The following ERC2 variants were observed in gnomAD, a reference collection of about 807,000 sequenced individuals.
ERC2 encodes ELKS/RAB6-interacting/CAST family member 2.
A neutral mutation model predicts 114.8 loss-of-function variants in ERC2; 42 were observed. The observed-to-expected ratio is 0.37, with a 90% CI of 0.29 to 0.47. The LOEUF (loss-of-function observed/expected upper bound fraction) is 0.47. Ranked by LOEUF, ERC2 falls within the 20% of genes least tolerant of loss-of-function variation. The probability of loss-of-function intolerance (pLI) is 0.99; values close to 1 mark genes in which losing one functional copy is unlikely to be tolerated. For synonymous variants in ERC2, 454 were observed against 425.5 expected, an observed-to-expected ratio of 1.07 and a Z score of -0.82; for missense variants, 939 against 1,150.7, an observed-to-expected ratio of 0.82 and a Z score of 2.66.
chr3:56,033,068 G>GAAAGAAAGAA (rs1330276021), intron 7 of ERC2, among the ~76,000 whole-genome samples: 1 of 107,914 alleles, frequency 9.3e-6, no homozygotes, highest in Non-Finnish European at 2.3e-5. Context: ...AAGAAAGAAA[G>GAAAGAAAGAA]AAAGAAAGAA....
intron 7 of ERC2, among the ~76,000 whole-genome samples, chr3:56,034,612 G>C (rs1179848571): frequency 2.0e-5 from 3 of 152,124 alleles, no homozygotes; most frequent in Non-Finnish European, 4.4e-5. Context: ...AATTTAAGAA[G>C]ATTGAAATCA....
chr3:56,086,595 C>G (rs956191404), intron 6 of ERC2, among the ~76,000 whole-genome samples: 2 of 151,428 alleles, frequency 1.3e-5, no homozygotes, highest in Non-Finnish European at 2.9e-5. Context: ...ATCTCTAAAA[C>G]CAAATATGAA....
At chr3:55,798,423 C>T (rs2070691589) in intron 14 of ERC2, among the ~76,000 whole-genome samples, 1 of 151,982 alleles carries the variant, frequency 6.6e-6, no homozygotes, top group Non-Finnish European at 1.5e-5. Flanking sequence ...ATGGTGAAAC[C>T]CCGTCTCTAC....
At chr3:56,323,272 G>A (rs1017217016) in intron 2 of ERC2, among the ~76,000 whole-genome samples, 29 of 152,186 alleles carry the variant, frequency 1.9e-4, no homozygotes, top group Admixed American at 7.9e-4. Flanking sequence ...GAAAATGCCT[G>A]AGGCCAAAGG....
At chr3:55,983,484 T>C (rs1390693992) in intron 12 of ERC2, among the ~76,000 whole-genome samples, 2 of 152,178 alleles carry the variant, frequency 1.3e-5, no homozygotes, top group Non-Finnish European at 2.9e-5. Context: ...AGTGGAGACC[T>C]GAACAGATTT....
chr3:56,356,684 AAAT>A (rs2058756724), intron 2 of ERC2, among the ~76,000 whole-genome samples: 1 of 152,134 alleles, frequency 6.6e-6, no homozygotes, highest in African/African-American at 2.4e-5. Context: ...TCTGTGGTCC[AAAT>A]CCAAGTGAAC....
intron 17 of ERC2, among the ~76,000 whole-genome samples, chr3:55,605,142 G>T (rs1206350393): frequency 1.3e-5 from 2 of 151,844 alleles, no homozygotes; most frequent in African/African-American, 4.8e-5. Flanking sequence ...TTTTGAGACG[G>T]TCTCACTCTG....
At chr3:55,905,086 C>T (rs1042348160) in intron 13 of ERC2, among the ~76,000 whole-genome samples, 4 of 152,206 alleles carry the variant, frequency 2.6e-5, no homozygotes, top group South Asian at 2.1e-4. Context: ...ATGTGTTTCA[C>T]GTTCTTCTTT....
rs59260283 is a variant in ERC2, at chr3:55,714,661, G to GTATATATA, written c.2713-15150_2713-15149insTATATATA. Among the ~76,000 whole-genome samples, 56 of 71,762 alleles carry GTATATATA rather than the reference G, an allele frequency of 7.8e-4. 1 individual carries two copies. Among genetic ancestry groups the GTATATATA allele is most frequent in the African/African-American group, 2.6e-3 (45 of 17,140 alleles). The allele number at this position is 71,762 out of a possible 152,430, so 47.1% of individuals were successfully genotyped here. A position where few individuals can be genotyped will look rare whatever the true frequency, so the allele number is the denominator to read the frequency against. On this transcript the variant is annotated intron_variant, in intron 15 of 17. Transcript: ENST00000288221. Reference sequence around the variant, plus strand: ...TATATGTGTGTGTGTGTGTGTGTGTGTGTGTGTATATATATATATATATAT... The same window carrying GTATATATA: ...TATATGTGTGTGTGTGTGTGTGTGTGTATATATATGTGTGTATATATATATATATATAT...
intron 14 of ERC2, among the ~76,000 whole-genome samples, chr3:55,770,212 C>A (rs950947384): frequency 3.9e-5 from 6 of 152,148 alleles, no homozygotes; most frequent in Non-Finnish European, 8.8e-5. Context: ...CAAGCACAGA[C>A]CCCAGTGACC....
chr3:56,122,290 C>T (rs1005295509), intron 6 of ERC2, among the ~76,000 whole-genome samples: 8 of 151,920 alleles, frequency 5.3e-5, no homozygotes, highest in Admixed American at 2.0e-4. Flanking sequence ...GGGAAGATCC[C>T]AACAATATAC....
At chr3:55,838,178 TAGA>T (rs141147703) in intron 14 of ERC2, among the ~76,000 whole-genome samples, 3,260 of 152,156 alleles carry the variant, frequency 0.021, 63 homozygotes, top group South Asian at 0.086. Context: ...AACAACGGGA[TAGA>T]AGATCTGTGC....
At chr3:55,545,898 C>T (rs1025184107) in intron 17 of ERC2, among the ~76,000 whole-genome samples, 1 of 152,154 alleles carries the variant, frequency 6.6e-6, no homozygotes, top group Admixed American at 6.5e-5. Flanking sequence ...ACTAGAGAAT[C>T]CCATTTGGAG....
rs143244578 is a variant in ERC2, at chr3:56,091,816, G to T, written c.1474-10832C>A. 2.0e-3 allele frequency among the ~76,000 whole-genome samples: 298 copies of T among 152,184 alleles called. 1 individual carries two copies. Among genetic ancestry groups the T allele is most frequent in the African/African-American group, 6.8e-3 (282 of 41,504 alleles). On this transcript the variant is annotated intron_variant, in intron 6 of 17. Coordinates refer to ENST00000288221, the MANE Select transcript of ERC2 (RefSeq NM_015576.3). Reference sequence around the variant, plus strand: ...TCAATTGAGCCTTTGGCCTTTCAAGGCGTCTAGTTAATGTCAATGATGTAT... The same window carrying T: ...TCAATTGAGCCTTTGGCCTTTCAAGTCGTCTAGTTAATGTCAATGATGTAT...
intron 6 of ERC2, among the ~76,000 whole-genome samples, chr3:56,094,401 C>G (rs990209574): frequency 1.3e-5 from 2 of 152,142 alleles, no homozygotes; most frequent in African/African-American, 4.8e-5. Flanking sequence ...GCTCAGAGAC[C>G]TAGTGTAGTA....
At chr3:56,454,274 A>G (rs1037578463) in intron 1 of ERC2, among the ~76,000 whole-genome samples, 5 of 152,202 alleles carry the variant, frequency 3.3e-5, no homozygotes, top group African/African-American at 1.2e-4. Flanking sequence ...TACTTAGGTT[A>G]AGATCTTGCA....
At chr3:56,098,226 T>C (rs952604636) in intron 6 of ERC2, among the ~76,000 whole-genome samples, 7 of 152,202 alleles carry the variant, frequency 4.6e-5, no homozygotes, top group Non-Finnish European at 2.9e-5. Context: ...CAAGTAAGGA[T>C]GTTTTCAGGC....
At chr3:55,883,579 T>A (rs2063214935) in intron 14 of ERC2, among the ~76,000 whole-genome samples, 1 of 150,644 alleles carries the variant, frequency 6.6e-6, no homozygotes, top group South Asian at 2.1e-4. Flanking sequence ...CAAGTGCATG[T>A]AAAACTGGAT....
At chr3:56,282,066 G>A (rs1448280843) in intron 3 of ERC2, among the ~76,000 whole-genome samples, 1 of 152,172 alleles carries the variant, frequency 6.6e-6, no homozygotes. Context: ...AAAGTGCTTT[G>A]CATAGGTCAT....
Sources: allele counts gnomAD v4.1 joint callset (sites outside exome capture counted in the v4.1 genomes callset), GRCh38; gene constraint gnomAD v4.1.1; transcripts MANE v1.5; gene names NCBI Gene and HGNC (gene_info 2026-07-23, HGNC 2026-07-21).